Variants in SAMSN1 observed in about 807,000 individuals in gnomAD.
SAMSN1 encodes SAM domain, SH3 domain and nuclear localization signals 1.
Under a neutral mutation model 42.0 loss-of-function variants are expected in SAMSN1, and 31 were observed. That is an observed-to-expected ratio of 0.74 (90% CI 0.55 to 1.00). The LOEUF is 1.00. Ranked by LOEUF, SAMSN1 falls within the 50% of genes least tolerant of loss-of-function variation. The pLI, the probability that SAMSN1 is intolerant of heterozygous loss-of-function variation, is 0.00. For missense variants in SAMSN1, 464 were observed against 439.4 expected, an observed-to-expected ratio of 1.06 and a Z score of -0.50; for synonymous variants, 178 against 151.9, an observed-to-expected ratio of 1.17 and a Z score of -1.26.
At chr21:14,562,074 C>T (rs4485628) in intron 2 of SAMSN1, among the ~76,000 whole-genome samples, 6,366 of 152,220 alleles carry the variant, frequency 0.042, 412 homozygotes, top group African/African-American at 0.14. Flanking sequence ...CTTGGAAAAC[C>T]AATATACTAT....
chr21:14,577,255 TATATATATATATATATATATATATA>T lies in SAMSN1; in HGVS notation c.261+4856_261+4880del, dbSNP rs1568816050. ...ATATGTGTGTATATATATATATATA[TATATATATATATATATATATATATA>T]TATATTTTTTTTTTAGAAGAGACAG... is the stretch of plus-strand genomic sequence containing the variant. On this transcript the variant is annotated intron_variant, in intron 2 of 8. Transcript: ENST00000285670. 2.3e-4 allele frequency among the ~76,000 whole-genome samples: 9 copies of T among 39,994 alleles called. 1 individual carries two copies. The South Asian group carries it at 5.2e-3, about 23-fold the overall frequency. The allele number at this position is 39,994 out of a possible 152,430, so 26.2% of individuals were successfully genotyped here.
chr21:14,507,946 T>C (rs1987489120), intron 5 of SAMSN1, among the ~76,000 whole-genome samples: 1 of 151,166 alleles, frequency 6.6e-6, no homozygotes, highest in Non-Finnish European at 1.5e-5. Context: ...AACAAAAACA[T>C]AAAGTGGGGA....
chr21:14,510,593 T>A, intron 4 of SAMSN1, 132 bp from the exon 5 acceptor site: 1 of 984,974 alleles, frequency 1.0e-6, no homozygotes, highest in Non-Finnish European at 1.5e-6. Context: ...AATTGACCCA[T>A]CCTGGTGTCT....
exon 2 of SAMSN1, chr21:14,582,184 G>T (rs1351344272): frequency 6.4e-7 from 1 of 1,550,498 alleles, no homozygotes; most frequent in Non-Finnish European, 8.7e-7. Context: ...TGAGACGTGT[G>T]TGGCGAATAC....
chr21:14,562,717 T>A (rs181326729), intron 2 of SAMSN1, among the ~76,000 whole-genome samples: 281 of 152,142 alleles, frequency 1.8e-3, no homozygotes, highest in Middle Eastern at 0.01. Flanking sequence ...TTATCCTAAT[T>A]GGAAAAATGA....
At chr21:14,628,209 C>A (rs1983233147) in intron 2 of SAMSN1, among the ~76,000 whole-genome samples, 1 of 152,036 alleles carries the variant, frequency 6.6e-6, no homozygotes, top group Non-Finnish European at 1.5e-5. Context: ...AGAATAACTT[C>A]TAGTGTTCCA....
intron 2 of SAMSN1, among the ~76,000 whole-genome samples, chr21:14,565,944 T>C (rs1372106968): frequency 6.6e-6 from 1 of 152,238 alleles, no homozygotes; most frequent in Non-Finnish European, 1.5e-5. Flanking sequence ...GGGACGTATG[T>C]CTTGACAATG....
At chr21:14,590,836 G>T (rs1337640170) in intron 7 of SAMSN1, among the ~76,000 whole-genome samples, 2 of 152,106 alleles carry the variant, frequency 1.3e-5, no homozygotes, top group Non-Finnish European at 2.9e-5. Context: ...AAAGTGACTA[G>T]TCTCTATTCA....
chr21:14,577,410 G>T lies in SAMSN1; in HGVS notation c.261+4726C>A, dbSNP rs546505595. ...TTACAGGTGTAAGCCACCACACCTGGCCCCATTTCTTAATCTTATAAAAAT... is the reference window on the plus strand; with the variant it reads ...TTACAGGTGTAAGCCACCACACCTGTCCCCATTTCTTAATCTTATAAAAAT... On this transcript the variant is annotated intron_variant, in intron 2 of 8. Coordinates refer to the SAMSN1 transcript ENST00000285670. 1.5e-3 allele frequency among the ~76,000 whole-genome samples: 230 copies of T among 149,130 alleles called. 1 individual carries two copies. Among genetic ancestry groups the T allele is most frequent in the African/African-American group, 5.5e-3 (224 of 40,572 alleles).
intron 2 of SAMSN1, among the ~76,000 whole-genome samples, chr21:14,630,581 G>A (rs1212480099): frequency 6.6e-6 from 1 of 152,130 alleles, no homozygotes; most frequent in Non-Finnish European, 1.5e-5. Context: ...GTGTTCATAT[G>A]TGAATTGGTG....
chr21:14,544,356 C>G (rs1340564574), intron 1 of SAMSN1, among the ~76,000 whole-genome samples: 2 of 152,154 alleles, frequency 1.3e-5, no homozygotes, highest in African/African-American at 4.8e-5. Flanking sequence ...TGGACAGATA[C>G]TGCTCTTTAT....
rs1398626180 is a variant in SAMSN1 at position 14,612,702 on chromosome 21, C to G, written c.235+174G>C. The stretch of plus-strand genomic sequence containing the variant: ...TAAATCAATGATTTCTTTGTCATAG[C>G]CATTTAAAGTTAGAATGAAGCCACT... On this transcript the variant is annotated intron_variant, in intron 4 of 15. Transcript: ENST00000647101. 4.3e-5 allele frequency: 28 copies of G among 653,446 alleles called. No homozygotes were observed. In the Admixed American group the frequency reaches 6.0e-4, roughly 14 times the overall value. The allele number at this position is 653,446 out of a possible 1,614,324, so 40.5% of individuals were successfully genotyped here. A position where few individuals can be genotyped will look rare whatever the true frequency, so the allele number is the denominator to read the frequency against.
In SAMSN1 at chr21:14,569,989, C is replaced by G. The variant is rs552546169; in HGVS notation, c.261+12147G>C. 1.4e-4 allele frequency among the ~76,000 whole-genome samples: 21 copies of G among 151,962 alleles called. No homozygotes were observed. The South Asian group carries it at 1.5e-3, about 11-fold the overall frequency. Reference sequence around the variant, plus strand: ...TGTGGTGTCTTTAACCACTTTCCCCCCCCCCAGTTTTTCACTTGACACCTT... The same window carrying G: ...TGTGGTGTCTTTAACCACTTTCCCCGCCCCCAGTTTTTCACTTGACACCTT... On this transcript the variant is annotated intron_variant, in intron 2 of 8. Transcript: ENST00000285670.
intron 1 of SAMSN1, among the ~76,000 whole-genome samples, chr21:14,646,197 G>A (rs1178384235): frequency 6.6e-6 from 1 of 152,052 alleles, no homozygotes; most frequent in Non-Finnish European, 1.5e-5. Context: ...TTAACCCTAG[G>A]AAGACTACCT....
intron 1 of SAMSN1, among the ~76,000 whole-genome samples, chr21:14,656,458 C>T (rs1326116369): frequency 1.3e-5 from 2 of 151,768 alleles, no homozygotes; most frequent in Non-Finnish European, 2.9e-5. Flanking sequence ...TTTGTAACCT[C>T]ATGGGTTACA....
At chr21:14,573,522 T>A (rs1981368273) in intron 2 of SAMSN1, among the ~76,000 whole-genome samples, 1 of 152,010 alleles carries the variant, frequency 6.6e-6, no homozygotes, top group Non-Finnish European at 1.5e-5. Context: ...AGTATAGTTG[T>A]TCAGAAATCA....
In SAMSN1 at chr21:14,629,619, C is replaced by T. The variant is rs550943294; in HGVS notation, c.156+13383G>A. Among the ~76,000 whole-genome samples, 69 of 152,278 alleles carry T rather than the reference C, an allele frequency of 4.5e-4. 1 individual carries two copies. The highest frequency in any genetic ancestry group is 4.7e-4 in the Non-Finnish European group (32 of 68,020). On this transcript the variant is annotated intron_variant, in intron 2 of 15. Coordinates refer to the SAMSN1 transcript ENST00000647101. ...TCTCTAAGAGGGTGGTGTACAGCAT[C>T]CACACACAGCCTCTCATCGCAGGGC...
intron 2 of SAMSN1, among the ~76,000 whole-genome samples, chr21:14,635,065 G>A (rs1159371629): frequency 1.3e-5 from 2 of 152,134 alleles, no homozygotes; most frequent in Non-Finnish European, 2.9e-5. Context: ...ATTATCCTCA[G>A]CAAACTAACA....
chr21:14,609,197 G>GT (rs1982639810), intron 5 of SAMSN1, among the ~76,000 whole-genome samples: 1 of 151,798 alleles, frequency 6.6e-6, no homozygotes, highest in African/African-American at 2.4e-5. Flanking sequence ...AAAACTTTCA[G>GT]TTTTCTTTTC....
Sources: gnomAD v4.1 joint callset for allele counts (sites outside exome capture counted in the v4.1 genomes callset) on GRCh38, gnomAD v4.1.1 for gene constraint, MANE v1.5 for transcripts, NCBI Gene and HGNC (gene_info 2026-07-23, HGNC 2026-07-21) for gene names.